The following CDC42 variants were observed in gnomAD, a reference collection of about 807,000 sequenced individuals.
CDC42 encodes cell division control protein 42 homolog.
A neutral mutation model predicts 20.8 loss-of-function variants in CDC42; 1 was observed. The observed-to-expected ratio is 0.05, with a 90% CI of 0.02 to 0.23. The LOEUF is 0.23. Ranked by LOEUF, CDC42 falls within the 10% of genes least tolerant of loss-of-function variation. The probability of loss-of-function intolerance (pLI) is 1.00; values close to 1 mark genes in which losing one functional copy is unlikely to be tolerated. For synonymous variants in CDC42, 72 were observed against 84.8 expected (o/e 0.85, Z 0.83); for missense variants, 49 against 227.9 (o/e 0.21, Z 5.05).
rs566527910 is a variant in CDC42 at position 22,086,606 on chromosome 1, G to A, written c.288+58G>A. On this transcript the variant is annotated intron_variant, in intron 4 of 5. Transcript: ENST00000656825. ...ATCATCTCAGAATTTCTACTGACCT[G>A]TTATAAATAGCATTAGAGGCTTGTT... 64 of 1,588,758 alleles carry A rather than the reference G, an allele frequency of 4.0e-5. 1 individual carries two copies. The highest frequency in any genetic ancestry group is 6.7e-5 in the Admixed American group (4 of 59,782).
chr1:22,068,365 T>G (rs1478484781), intron 1 of CDC42: 1 of 153,470 alleles, frequency 6.5e-6, no homozygotes, highest in East Asian at 1.9e-4. Flanking sequence ...GAACATTTTC[T>G]TTGCTTTAAT....
At chr1:22,089,318 T>C (rs1024425442) in intron 5 of CDC42, among the ~76,000 whole-genome samples, 3 of 152,190 alleles carry the variant, frequency 2.0e-5, no homozygotes, top group Non-Finnish European at 2.9e-5. Flanking sequence ...CTGATACCCA[T>C]GCAGACATCT....
At chr1:22,083,473 T>C (rs1021613256) in intron 3 of CDC42, among the ~76,000 whole-genome samples, 3 of 151,740 alleles carry the variant, frequency 2.0e-5, no homozygotes, top group Non-Finnish European at 2.9e-5. Context: ...TGTAGTGGTG[T>C]ATGCCTGTTA....
Position 22,055,864 on chromosome 1 carries a change from A to G in CDC42, c.-51+3122A>G, listed in dbSNP as rs560222966. On this transcript the variant is annotated intron_variant, in intron 1 of 5. Transcript: ENST00000656825. ...TTTAAATGCACTTCTCTATTGTTTT[A>G]GAGTTTTTTTTTTTTTTTTTTTGAG... Among the ~76,000 whole-genome samples the G allele has an allele frequency of 1.8e-3, 208 of 117,322 alleles. 1 individual carries two copies. The highest frequency in any genetic ancestry group is 8.6e-3 in the Middle Eastern group (2 of 232). 77.0% of individuals were successfully genotyped at this position (117,322 alleles called of 152,430 possible).
rs531472151 is a variant in CDC42 at position 22,062,730 on chromosome 1, T to TA, written c.-51+10023dup. On this transcript the variant is annotated intron_variant, in intron 1 of 5. Coordinates refer to ENST00000656825, the MANE Select transcript of CDC42 (RefSeq NM_001791.4). Reference sequence around the variant, plus strand: ...AACATAGTGAGACCGTGGCTCTATTTAAAAAAAAAAAAAAAAAAAAAAAAA... The same window carrying TA: ...AACATAGTGAGACCGTGGCTCTATTTAAAAAAAAAAAAAAAAAAAAAAAAAA... 5.2e-3 allele frequency among the ~76,000 whole-genome samples: 358 copies of TA among 69,416 alleles called. 3 individuals carry two copies. The highest frequency in any genetic ancestry group is 0.028 in the Middle Eastern group (2 of 72). The allele number at this position is 69,416 out of a possible 152,430, so 45.5% of individuals were successfully genotyped here.
At chr1:22,089,978 A>G in intron 5 of CDC42, 1 of 1,613,968 alleles carries the variant, frequency 6.2e-7, no homozygotes, top group Non-Finnish European at 8.5e-7. Context: ...AGGCTATCCT[A>G]GCTGCCCTCG....
chr1:22,075,367 C>T (rs1645536994), intron 1 of CDC42, among the ~76,000 whole-genome samples: 1 of 152,118 alleles, frequency 6.6e-6, no homozygotes, highest in Non-Finnish European at 1.5e-5. Context: ...GTATAATCTT[C>T]CCTTGATATT....
At chr1:22,078,668 T>G in intron 2 of CDC42, 85 bp downstream of exon 2, 1 of 1,541,090 alleles carries the variant, frequency 6.5e-7, no homozygotes, top group Non-Finnish European at 8.8e-7. Flanking sequence ...TGTACTGAAT[T>G]TTTTTCTGTT....
chr1:22,064,025 A>T (rs1645393815), intron 1 of CDC42: 1 of 151,710 alleles, frequency 6.6e-6, no homozygotes, highest in African/African-American at 2.4e-5. Context: ...AGGCCTTCAC[A>T]GTCATCTTTA....
At chr1:22,057,547 G>A (rs2152826017) in intron 1 of CDC42, among the ~76,000 whole-genome samples, 1 of 151,684 alleles carries the variant, frequency 6.6e-6, no homozygotes, top group South Asian at 2.1e-4. Flanking sequence ...AGCGCCCCTG[G>A]CTAATTTTGT....
chr1:22,070,443 C>CTTTTTTTTT (rs567184632), intron 1 of CDC42, among the ~76,000 whole-genome samples: 3 of 60,370 alleles, frequency 5.0e-5, no homozygotes, highest in African/African-American at 6.6e-5. Context: ...GCCTTTGCCT[C>CTTTTTTTTT]TTTTTTTTTT....
intron 1 of CDC42, among the ~76,000 whole-genome samples, chr1:22,065,352 T>C (rs1260107574): frequency 1.3e-5 from 2 of 152,218 alleles, no homozygotes; most frequent in Non-Finnish European, 2.9e-5. Flanking sequence ...GTGACACTTA[T>C]TAAATTAAAT....
intron 5 of CDC42, chr1:22,090,874 C>T (rs1308904335): frequency 1.1e-6 from 1 of 871,406 alleles, no homozygotes; most frequent in Admixed American, 6.2e-5. Flanking sequence ...CAGGTACCCA[C>T]ATTTTTGCTC....
intron 1 of CDC42, among the ~76,000 whole-genome samples, chr1:22,078,027 T>G (rs1645569987): frequency 6.6e-6 from 1 of 152,212 alleles, no homozygotes; most frequent in Non-Finnish European, 1.5e-5. Flanking sequence ...GCAGTGGCCT[T>G]TGTATTGCAG....
chr1:22,091,321 GTTTC>G, intron 5 of CDC42, 103 bp from the exon 6 acceptor site: 1 of 691,138 alleles, frequency 1.4e-6, no homozygotes, highest in East Asian at 2.6e-5. Flanking sequence ...TGTTTTTAAT[GTTTC>G]TTTCTTTGCC....
chr1:22,078,771 A>G (rs1165407608), intron 2 of CDC42, 188 bp downstream of exon 2: 3 of 1,476,968 alleles, frequency 2.0e-6, no homozygotes, highest in Admixed American at 4.1e-5. Flanking sequence ...GAAAGTCAGA[A>G]GGGGTGACAC....
rs767597872 is a variant in CDC42, at chr1:22,097,753, C to T, written c.*6236C>T. Among the ~76,000 whole-genome samples, 6 of 152,154 alleles carry T rather than the reference C, an allele frequency of 3.9e-5. No individual in the cohort carries two copies. Among genetic ancestry groups the T allele is most frequent in the African/African-American group, 4.8e-5 (2 of 41,430 alleles). ...TATCCAGTGAGTCTTTAAAGCCCTA[C>T]GTTATAGAAAAATGTGAAGTATGTC... On this transcript the variant is annotated 3_prime_UTR_variant, in exon 6 of 6. Coordinates refer to ENST00000656825, the MANE Select transcript of CDC42 (RefSeq NM_001791.4).
intron 5 of CDC42, chr1:22,089,995 C>T (rs778438477): frequency 7.4e-6 from 12 of 1,613,906 alleles, no homozygotes; most frequent in South Asian, 3.3e-5. Context: ...CTCGAGCCTC[C>T]GGAAACTCAA....
At chr1:22,079,787 TA>T (rs1271990014) in intron 2 of CDC42, among the ~76,000 whole-genome samples, 9 of 152,222 alleles carry the variant, frequency 5.9e-5, no homozygotes, top group Non-Finnish European at 1.2e-4. Context: ...CCATTGAAGT[TA>T]TTTACTTGTA....
Sources: allele counts gnomAD v4.1 joint callset (sites outside exome capture counted in the v4.1 genomes callset), GRCh38; gene constraint gnomAD v4.1.1; transcripts MANE v1.5; gene names NCBI Gene and HGNC (gene_info 2026-07-23, HGNC 2026-07-21).